PCDHGB2: variants seen among roughly 807,000 people sequenced by gnomAD.
PCDHGB2 encodes protocadherin gamma-B2.
A neutral mutation model predicts 59.3 loss-of-function variants in PCDHGB2; 55 were observed. The ratio of observed to expected loss-of-function variants is 0.93; its 90% CI spans 0.75 to 1.16. The LOEUF (loss-of-function observed/expected upper bound fraction) is 1.16, where lower values mean the gene tolerates loss of function less well. Ranked by LOEUF, PCDHGB2 falls within the 50% of genes most tolerant of loss-of-function variation. PCDHGB2 has a pLI of 0.00. For missense variants in PCDHGB2, 1,228 were observed against 1,198.5 expected (o/e 1.02, Z -0.36); for synonymous variants, 516 against 512.0 (o/e 1.01, Z -0.11).
intron 1 of PCDHGB2, among the ~76,000 whole-genome samples, chr5:141,474,726 A>G (rs549082085): frequency 6.6e-6 from 1 of 152,358 alleles, no homozygotes; most frequent in South Asian, 2.1e-4. Flanking sequence ...AAAGGACTCT[A>G]TGCAATCAAA....
chr5:141,425,587 T>G (rs2096884432), intron 1 of PCDHGB2, among the ~76,000 whole-genome samples: 2 of 152,226 alleles, frequency 1.3e-5, no homozygotes. Flanking sequence ...CTAACTTTAT[T>G]CTGAATATGC....
intron 3 of PCDHGB2, among the ~76,000 whole-genome samples, chr5:141,509,045 GC>G (rs1165443091): frequency 6.6e-6 from 1 of 152,060 alleles, no homozygotes; most frequent in Non-Finnish European, 1.5e-5. Context: ...CCTCTCCCCC[GC>G]CCCCAGAAAG....
chr5:141,381,820 C>CTTTCT (rs1279410534), intron 1 of PCDHGB2, among the ~76,000 whole-genome samples: 20 of 119,922 alleles, frequency 1.7e-4, no homozygotes, highest in African/African-American at 3.7e-4. Flanking sequence ...TTCTTTCTTT[C>CTTTCT]TTCTTCTTTT....
chr5:141,374,153 T>TG (rs1373211276), intron 1 of PCDHGB2: 5 of 1,612,056 alleles, frequency 3.1e-6, no homozygotes, highest in African/African-American at 2.7e-5. Flanking sequence ...GGGGACGCTG[T>TG]GGGGGGCCGC....
chr5:141,388,875 G>T lies in PCDHGB2; in HGVS notation c.2421+26319G>T, dbSNP rs201053346. ...TGGAGGAATGATTGCGCAATGCACAGTGGAGGTAGAAGTCATAGATGAAAA... is the reference window on the plus strand; with the variant it reads ...TGGAGGAATGATTGCGCAATGCACATTGGAGGTAGAAGTCATAGATGAAAA... On this transcript the variant is annotated intron_variant, in intron 1 of 3. Coordinates refer to ENST00000522605, the MANE Select transcript of PCDHGB2 (RefSeq NM_018923.3). 1.4e-4 allele frequency: 224 copies of T among 1,614,024 alleles called. No homozygotes were observed. The highest frequency in any genetic ancestry group is 1.8e-4 in the Non-Finnish European group (214 of 1,179,874).
At chr5:141,370,735 TA>T (rs762297700) in intron 1 of PCDHGB2, 1 of 1,613,926 alleles carries the variant, frequency 6.2e-7, no homozygotes, top group Non-Finnish European at 8.5e-7. Context: ...GAAAAGCCTT[TA>T]AACTTTTTTC....
At chr5:141,449,630 T>A (rs1006977026) in intron 1 of PCDHGB2, among the ~76,000 whole-genome samples, 6 of 150,024 alleles carry the variant, frequency 4.0e-5, no homozygotes, top group Non-Finnish European at 8.9e-5. Flanking sequence ...TTTAAAAAGA[T>A]GTATCTATAT....
In PCDHGB2 at chr5:141,476,948, G is replaced by T; in HGVS notation, c.2422-17859G>T. 6.2e-7 allele frequency: 1 copy of T among 1,614,180 alleles called. No individual in the cohort carries two copies. On this transcript the variant is annotated intron_variant, in intron 1 of 3. Transcript: ENST00000522605. The surrounding 1 kb of genome is among the most constrained non-coding windows in gnomAD (Gnocchi z 7.6). ...GGATCTGGATGAAGGCCCCAACGGTGAAATTATTTACTCCTTCGGCAGCCA... is the reference window on the plus strand; with the variant it reads ...GGATCTGGATGAAGGCCCCAACGGTTAAATTATTTACTCCTTCGGCAGCCA...
At chr5:141,385,423 A>G in intron 1 of PCDHGB2, 4 of 1,462,490 alleles carry the variant, frequency 2.7e-6, no homozygotes, top group Non-Finnish European at 3.6e-6. Context: ...GATTTAAAAA[A>G]CTTTATAGAG....
At chr5:141,429,196 A>T (rs2097195436) in intron 1 of PCDHGB2, 2 of 151,994 alleles carry the variant, frequency 1.3e-5, no homozygotes, top group African/African-American at 4.8e-5. Context: ...ACACACACAC[A>T]CACACACACG....
chr5:141,476,234 G>A lies in PCDHGB2; in HGVS notation c.2422-18573G>A. 6.2e-7 allele frequency: 1 copy of A among 1,614,070 alleles called. No individual in the cohort carries two copies. The highest frequency in any genetic ancestry group is 8.5e-7 in the Non-Finnish European group (1 of 1,180,014). On this transcript the variant is annotated intron_variant, in intron 1 of 3. Coordinates refer to ENST00000522605, the MANE Select transcript of PCDHGB2 (RefSeq NM_018923.3). The surrounding 1 kb of genome is among the most constrained non-coding windows in gnomAD (Gnocchi z 7.6). Reference sequence around the variant, plus strand: ...GGTCATTCACTATGAGATCCCGGAGGAAAGAGAGAAGGGTTTCGCTGTGGG... The same window carrying A: ...GGTCATTCACTATGAGATCCCGGAGAAAAGAGAGAAGGGTTTCGCTGTGGG...
intron 2 of PCDHGB2, among the ~76,000 whole-genome samples, chr5:141,497,622 C>G (rs1434147255): frequency 6.6e-6 from 1 of 151,538 alleles, no homozygotes; most frequent in African/African-American, 2.4e-5. Context: ...TCACTGCAAC[C>G]TCTGCCTGCC....
In PCDHGB2 at chr5:141,485,507, G is replaced by A. The variant is rs766643911; in HGVS notation, c.2422-9300G>A. 6.8e-6 allele frequency: 11 copies of A among 1,614,174 alleles called. No homozygotes were observed. Among genetic ancestry groups the A allele is most frequent in the Non-Finnish European group, 8.5e-6 (10 of 1,180,036 alleles). ...CGTGCCCCTGGAGTTTGTCACCGAA[G>A]GTCCTTTGGAAATGTACCGAGCAGA... On this transcript the variant is annotated intron_variant, in intron 1 of 3. Transcript: ENST00000522605. The surrounding 1 kb of genome is among the most constrained non-coding windows in gnomAD (Gnocchi z 5.7).
chr5:141,383,980 C>G lies in PCDHGB2; in HGVS notation c.2421+21424C>G, dbSNP rs145468093. The G allele has an allele frequency of 9.9e-5, 159 of 1,613,694 alleles. No homozygotes were observed. In the East Asian group the frequency reaches 3.5e-3, roughly 35 times the overall value. Reference sequence around the variant, plus strand: ...AAGTAGCTCAATCCCTGAAGACACACCTCTTGGGACAGTCATTGCTCTTTT... The same window carrying G: ...AAGTAGCTCAATCCCTGAAGACACAGCTCTTGGGACAGTCATTGCTCTTTT... On this transcript the variant is annotated intron_variant, in intron 1 of 3. Transcript: ENST00000522605.
In PCDHGB2 at chr5:141,431,964, A is replaced by G; in HGVS notation, c.2422-62843A>G. On this transcript the variant is annotated intron_variant, in intron 1 of 3. Coordinates refer to ENST00000522605, the MANE Select transcript of PCDHGB2 (RefSeq NM_018923.3). The surrounding 1 kb of genome is among the most constrained non-coding windows in gnomAD (Gnocchi z 4.8). Reference sequence around the variant, plus strand: ...TTAGAAAAATCTTACGGAAATTACTATAGTTTAGTCACAGACATAGTCTTG... The same window carrying G: ...TTAGAAAAATCTTACGGAAATTACTGTAGTTTAGTCACAGACATAGTCTTG... 2.5e-6 allele frequency: 4 copies of G among 1,614,218 alleles called. No individual in the cohort carries two copies. The highest frequency in any genetic ancestry group is 2.5e-6 in the Non-Finnish European group (3 of 1,180,028).
chr5:141,455,860 ATTAT>A (rs145569377), intron 1 of PCDHGB2, among the ~76,000 whole-genome samples: 54,169 of 139,612 alleles, frequency 0.39, 10,686 homozygotes, highest in Admixed American at 0.44. Context: ...AATTTCTTTT[ATTAT>A]TTATTTATTT....
rs756706355 is a variant in PCDHGB2 at position 141,486,950 on chromosome 5, G to A, written c.2422-7857G>A. On this transcript the variant is annotated intron_variant, in intron 1 of 3. Transcript: ENST00000522605. This position sits in a 1 kb window ranked among gnomAD's most constrained non-coding sequence, Gnocchi z 5.0. The stretch of plus-strand genomic sequence containing the variant: ...TGGTGCTGGCCACCTAATCACAAAG[G>A]TGACTGCTGTGGACTTGGATTCAGG... 2 of 1,614,202 alleles carry A rather than the reference G, an allele frequency of 1.2e-6. No homozygotes were observed. The highest frequency in any genetic ancestry group is 1.7e-6 in the Non-Finnish European group (2 of 1,180,044).
rs1283050252 is a variant in PCDHGB2, at chr5:141,512,909, T to G, written c.*1736T>G. ...CCTCTTCCTGTGTCTCACGCAAGTT[T>G]TATACTCTAATATTTATATGGCTTT... On this transcript the variant is annotated 3_prime_UTR_variant, in exon 4 of 4. Coordinates refer to ENST00000522605, the MANE Select transcript of PCDHGB2 (RefSeq NM_018923.3). 6.6e-6 allele frequency: 1 copy of G among 152,268 alleles called. No homozygotes were observed. The highest frequency in any genetic ancestry group is 1.5e-5 in the Non-Finnish European group (1 of 68,056). 9.4% of individuals were successfully genotyped at this position (152,268 alleles called of 1,614,324 possible).
intron 1 of PCDHGB2, chr5:141,419,148 C>A: frequency 6.2e-7 from 1 of 1,613,940 alleles, no homozygotes; most frequent in Admixed American, 1.7e-5. Flanking sequence ...AGGGGCAAGC[C>A]TCCGTTATCC....
Sources: gnomAD v4.1 joint callset for allele counts (sites outside exome capture counted in the v4.1 genomes callset) on GRCh38, gnomAD v4.1.1 for gene constraint, Gnocchi (gnomAD v3.1) non-coding constraint, MANE v1.5 for transcripts, NCBI Gene and HGNC (gene_info 2026-07-23, HGNC 2026-07-21) for gene names.